Variants in ELP4 observed in about 807,000 individuals in gnomAD.
ELP4 encodes the protein elongator complex protein 4.
Under a neutral mutation model 48.9 loss-of-function variants are expected in ELP4, and 51 were observed. That is an observed-to-expected ratio of 1.04 (90% CI 0.83 to 1.32). The LOEUF (loss-of-function observed/expected upper bound fraction) is 1.32, where lower values mean the gene tolerates loss of function less well. Among genes scored for constraint, ELP4 ranks in the 40% most tolerant of loss-of-function variants. ELP4 has a pLI of 0.00. For missense variants in ELP4, 519 were observed against 514.6 expected (o/e 1.01, Z -0.08); for synonymous variants, 210 against 189.2 (o/e 1.11, Z -0.90).
rs143112505 is a variant in ELP4, at chr11:31,734,178, T to G, written c.1144-49215T>G. 9.1e-3 allele frequency among the ~76,000 whole-genome samples: 1,386 copies of G among 152,278 alleles called. 7 individuals are homozygous for G. The highest frequency in any genetic ancestry group is 0.013 in the Non-Finnish European group (916 of 68,016). Reference sequence around the variant, plus strand: ...TTTGACAAAAGTCAGCACACTTTCATGATAAAAACAGAACCTAGGAATGAA... The same window carrying G: ...TTTGACAAAAGTCAGCACACTTTCAGGATAAAAACAGAACCTAGGAATGAA... On this transcript the variant is annotated intron_variant, in intron 9 of 9. Transcript: ENST00000640961.
intron 3 of ELP4, among the ~76,000 whole-genome samples, chr11:31,542,420 C>T (rs2996468): frequency 0.087 from 13,276 of 152,138 alleles, 1,609 homozygotes; most frequent in African/African-American, 0.27. Context: ...TACTTGTACA[C>T]GAGGAGATGG....
intron 7 of ELP4, among the ~76,000 whole-genome samples, chr11:31,643,672 T>C (rs1040996896): frequency 6.6e-6 from 1 of 151,850 alleles, no homozygotes; most frequent in African/African-American, 2.4e-5. Flanking sequence ...TTAAGAACTT[T>C]GATCTGAAAG....
At chr11:31,668,668 T>C (rs541243472) in intron 9 of ELP4, among the ~76,000 whole-genome samples, 7 of 65,656 alleles carry the variant, frequency 1.1e-4, no homozygotes, top group South Asian at 6.4e-4. Flanking sequence ...GAAATTTCCT[T>C]TGGTACCGTG....
intron 2 of ELP4, among the ~76,000 whole-genome samples, chr11:31,539,024 G>A (rs574859330): frequency 6.6e-6 from 1 of 152,218 alleles, no homozygotes; most frequent in East Asian, 1.9e-4. Context: ...TTAAGTATTG[G>A]TATTATTTTT....
rs144196990 is a variant in ELP4 at position 31,538,793 on chromosome 11, A to G, written c.260-869A>G. Among the ~76,000 whole-genome samples, 33 of 152,174 alleles carry G rather than the reference A, an allele frequency of 2.2e-4. 2 individuals are homozygous for G. The East Asian group carries it at 5.0e-3, about 23-fold the overall frequency. On this transcript the variant is annotated intron_variant, in intron 2 of 9. Coordinates refer to ENST00000640961, the MANE Select transcript of ELP4 (RefSeq NM_019040.5). ...GTCTGTAGCTTTCTGTTTCTGTTGT[A>G]TCTTGTTCTATTTTGGTATTGGGGT...
Position 31,594,866 on chromosome 11 carries a change from A to T in ELP4, c.478A>T (p.Ile160Leu). Reference sequence around the variant, plus strand: ...ACCAGAATCTAATATTAAGATGAAAATAGCTTGGCGTTACCAGTTATTACC... The same window carrying T: ...ACCAGAATCTAATATTAAGATGAAATTAGCTTGGCGTTACCAGTTATTACC... ...KTPESNIKMK[I>L]AWRYQLLPKM... Residue 160 changes from isoleucine (I) to leucine (L), a missense_variant, in exon 4 of 10, where the codon ATA becomes TTA. Transcript: ENST00000640961. The T allele has an allele frequency of 6.4e-7, 1 of 1,565,234 alleles. No individual in the cohort carries two copies. The highest frequency in any genetic ancestry group is 8.6e-7 in the Non-Finnish European group (1 of 1,163,362).
intron 2 of ELP4, among the ~76,000 whole-genome samples, chr11:31,528,012 T>A (rs754144121): frequency 2.6e-4 from 40 of 152,034 alleles, no homozygotes; most frequent in Non-Finnish European, 2.6e-4. Context: ...TGCCTTTTAT[T>A]TTCCTCTTGT....
intron 7 of ELP4, among the ~76,000 whole-genome samples, chr11:31,636,663 G>T (rs1330614444): frequency 2.0e-5 from 3 of 151,846 alleles, no homozygotes; most frequent in Admixed American, 6.6e-5. Context: ...TAAGACTTTT[G>T]TGAGTAGAAT....
At chr11:31,733,045 A>G (rs966475418) in intron 9 of ELP4, among the ~76,000 whole-genome samples, 1 of 152,200 alleles carries the variant, frequency 6.6e-6, no homozygotes, top group Admixed American at 6.5e-5. Flanking sequence ...CTTGAACAAC[A>G]CTACAGACCA....
chr11:31,613,760 G>C (rs994665576), intron 5 of ELP4, among the ~76,000 whole-genome samples: 11 of 144,212 alleles, frequency 7.6e-5, no homozygotes, highest in Admixed American at 5.0e-4. Context: ...CTGTTGCCTA[G>C]TGCAGTGGTG....
rs1385516903 is a variant in ELP4 at position 31,785,640 on chromosome 11, G to A, written c.*2116G>A. On this transcript the variant is annotated 3_prime_UTR_variant, in exon 10 of 10. Coordinates refer to ENST00000640961, the MANE Select transcript of ELP4 (RefSeq NM_019040.5). ...CTTTGTTTTTCTAATTCACTGGGCC[G>A]GCTTTGTAAAAATAAGCTACTGGAG... 1.5e-5 allele frequency: 3 copies of A among 196,546 alleles called. No individual in the cohort carries two copies. Among genetic ancestry groups the A allele is most frequent in the South Asian group, 1.9e-4 (1 of 5,194 alleles). The allele number at this position is 196,546 out of a possible 1,614,324, so 12.2% of individuals were successfully genotyped here. A position where few individuals can be genotyped will look rare whatever the true frequency, so the allele number is the denominator to read the frequency against.
At chr11:31,548,451 G>A (rs1260725518) in intron 3 of ELP4, among the ~76,000 whole-genome samples, 1 of 151,006 alleles carries the variant, frequency 6.6e-6, no homozygotes, top group East Asian at 1.9e-4. Context: ...CCTCTTCAAG[G>A]AGAACTACAA....
intron 3 of ELP4, among the ~76,000 whole-genome samples, chr11:31,564,060 G>A (rs1312755204): frequency 3.3e-5 from 5 of 152,096 alleles, no homozygotes; most frequent in African/African-American, 1.2e-4. Context: ...GTAACAAATG[G>A]TATAGATTAT....
chr11:31,601,477 C>T (rs936879119), intron 4 of ELP4, among the ~76,000 whole-genome samples: 1 of 151,918 alleles, frequency 6.6e-6, no homozygotes, highest in Non-Finnish European at 1.5e-5. Context: ...TTTATTTTTA[C>T]ATTTTAATGA....
At chr11:31,683,279 T>A (rs1287716951) in intron 9 of ELP4, among the ~76,000 whole-genome samples, 2 of 152,200 alleles carry the variant, frequency 1.3e-5, no homozygotes, top group Non-Finnish European at 2.9e-5. Flanking sequence ...TATGGTGTCT[T>A]GTGTAAGCTT....
At chr11:31,658,226 G>A (rs1420598264) in intron 9 of ELP4, among the ~76,000 whole-genome samples, 1 of 151,812 alleles carries the variant, frequency 6.6e-6, no homozygotes, top group Non-Finnish European at 1.5e-5. Context: ...ATGTGTTAAT[G>A]TGATATATAT....
intron 9 of ELP4, among the ~76,000 whole-genome samples, chr11:31,667,090 C>G (rs1167134823): frequency 6.6e-6 from 1 of 152,078 alleles, no homozygotes; most frequent in African/African-American, 2.4e-5. Flanking sequence ...TTATCATAGA[C>G]CACATATAGA....
chr11:31,729,307 C>T lies in ELP4; in HGVS notation c.1144-54086C>T, dbSNP rs557215895. Reference sequence around the variant, plus strand: ...CTATGGTCTCTGAACAGATTGTTTCCGCAATTAGTATCTATGTACTAACTT... The same window carrying T: ...CTATGGTCTCTGAACAGATTGTTTCTGCAATTAGTATCTATGTACTAACTT... On this transcript the variant is annotated intron_variant, in intron 9 of 9. Transcript: ENST00000640961. Among the ~76,000 whole-genome samples, 381 of 152,148 alleles carry T rather than the reference C, an allele frequency of 2.5e-3. 7 individuals are homozygous for T. Among genetic ancestry groups the T allele is most frequent in the South Asian group, 1.2e-3 (6 of 4,814 alleles).
chr11:31,520,767 T>G (rs2133879570), intron 2 of ELP4, among the ~76,000 whole-genome samples: 1 of 152,186 alleles, frequency 6.6e-6, no homozygotes, highest in East Asian at 1.9e-4. Flanking sequence ...TATTTGAAAA[T>G]ACCTATTTTT....
Sources: allele counts gnomAD v4.1 joint callset (sites outside exome capture counted in the v4.1 genomes callset), GRCh38; gene constraint gnomAD v4.1.1; transcripts MANE v1.5; gene names NCBI Gene and HGNC (gene_info 2026-07-23, HGNC 2026-07-21).